The following LGR5 variants were observed in gnomAD, a reference collection of about 807,000 sequenced individuals.
LGR5 encodes leucine-rich repeat-containing G protein-coupled receptor 5.
In LGR5, 54 loss-of-function variants were observed where a neutral mutation model predicts 76.7. The observed-to-expected ratio is 0.70, with a 90% CI of 0.57 to 0.88. The LOEUF (loss-of-function observed/expected upper bound fraction) is 0.88, where lower values mean the gene tolerates loss of function less well. Among genes scored for constraint, LGR5 ranks in the 40% least tolerant of loss-of-function variants. The pLI is 0.00. For synonymous variants in LGR5, 406 were observed against 421.9 expected (o/e 0.96, Z 0.46); for missense variants, 1,078 against 1,073.3 (o/e 1.00, Z -0.06).
intron 2 of LGR5, among the ~76,000 whole-genome samples, chr12:71,513,154 C>T (rs1875250265): frequency 6.6e-6 from 1 of 151,992 alleles, no homozygotes; most frequent in Non-Finnish European, 1.5e-5. Context: ...TTGAGTACCA[C>T]TAAGCAGAGC....
At chr12:71,511,073 A>C (rs1875131685) in intron 2 of LGR5, among the ~76,000 whole-genome samples, 1 of 152,228 alleles carries the variant, frequency 6.6e-6, no homozygotes, top group Non-Finnish European at 1.5e-5. Context: ...CTAGTGAACC[A>C]ACAGGATTTA....
At chr12:71,580,560 C>T in intron 16 of LGR5, 137 bp downstream of exon 16, 1 of 833,822 alleles carries the variant, frequency 1.2e-6, no homozygotes, top group Non-Finnish European at 1.9e-6. Flanking sequence ...GTTTGGGAGG[C>T]CGAGGCAGAT....
chr12:71,564,561 C>T (rs1878215423), intron 8 of LGR5, among the ~76,000 whole-genome samples: 1 of 99,354 alleles, frequency 1.0e-5, no homozygotes, highest in Non-Finnish European at 2.0e-5. Context: ...TGTACACACG[C>T]ACCGTGTATA....
At chr12:71,444,934 T>C (rs1339723886) in intron 1 of LGR5, among the ~76,000 whole-genome samples, 1 of 152,208 alleles carries the variant, frequency 6.6e-6, no homozygotes, top group Non-Finnish European at 1.5e-5. Flanking sequence ...TTGACTTACC[T>C]TAGCAAAGCA....
At chr12:71,519,293 T>C (rs2137331382) in intron 2 of LGR5, among the ~76,000 whole-genome samples, 2 of 152,326 alleles carry the variant, frequency 1.3e-5, no homozygotes, top group East Asian at 3.9e-4. Context: ...TTTCTGACCA[T>C]CTTATCTGAA....
chr12:71,497,345 GAAGGAAGGAAGA>G (rs139956427), intron 1 of LGR5, among the ~76,000 whole-genome samples: 1 of 110,362 alleles, frequency 9.1e-6, no homozygotes, highest in South Asian at 2.8e-4. Context: ...AGAGAAAGAG[GAAGGAAGGAAGA>G]AAGGAAGGAA....
At chr12:71,498,705 A>G (rs7133186) in intron 1 of LGR5, among the ~76,000 whole-genome samples, 2,247 of 152,266 alleles carry the variant, frequency 0.015, 65 homozygotes, top group African/African-American at 0.051. Context: ...GGGAACACAA[A>G]CCTTCAGTTT....
intron 4 of LGR5, among the ~76,000 whole-genome samples, chr12:71,552,085 C>G (rs1417439046): frequency 6.7e-6 from 1 of 149,968 alleles, no homozygotes; most frequent in Non-Finnish European, 1.5e-5. Context: ...GGCCTGTCGG[C>G]AGGTGGGGGG....
intron 1 of LGR5, among the ~76,000 whole-genome samples, chr12:71,503,481 TGATTTTTTAAAG>T (rs1253934582): frequency 6.6e-6 from 1 of 152,210 alleles, no homozygotes; most frequent in Non-Finnish European, 1.5e-5. Context: ...CACATTATTG[TGATTTTTTAAAG>T]GCAAAGAGTG....
intron 2 of LGR5, among the ~76,000 whole-genome samples, chr12:71,522,088 T>C (rs1875752902): frequency 6.6e-6 from 1 of 152,138 alleles, no homozygotes; most frequent in African/African-American, 2.4e-5. Context: ...GGGGGGAATG[T>C]GGAGGGCATG....
intron 1 of LGR5, among the ~76,000 whole-genome samples, chr12:71,450,986 C>G (rs1333811838): frequency 6.6e-6 from 1 of 152,174 alleles, no homozygotes; most frequent in Non-Finnish European, 1.5e-5. Context: ...GCAACCCCTG[C>G]TGCCAATCCC....
At chr12:71,453,707 T>C (rs1030774442) in intron 1 of LGR5, among the ~76,000 whole-genome samples, 4 of 94,140 alleles carry the variant, frequency 4.2e-5, no homozygotes, top group Non-Finnish European at 8.6e-5. Context: ...AATGTGTTTC[T>C]TTTTTTTTTT....
intron 3 of LGR5, among the ~76,000 whole-genome samples, chr12:71,526,416 T>A (rs944286633): frequency 1.3e-5 from 2 of 151,270 alleles, no homozygotes; most frequent in African/African-American, 4.9e-5. Context: ...TGCTAACTAT[T>A]AAAATGTACC....
In LGR5 at chr12:71,583,932, G is replaced by GT; in HGVS notation, c.1928dup (p.Leu643PhefsTer31). On this transcript the variant is annotated frameshift_variant, in exon 18 of 18. Transcript: ENST00000266674. LOFTEE classifies it low-confidence loss of function (END_TRUNC). ...AATGGGGTTGGTTGCCATGTCATTG[G>GT]TTTTTTGTCCATTTTTGCTTCAGAA... 1 of 1,614,184 alleles carries GT rather than the reference G, an allele frequency of 6.2e-7. No homozygotes were observed. The highest frequency in any genetic ancestry group is 8.5e-7 in the Non-Finnish European group (1 of 1,180,036).
chr12:71,472,941 G>T (rs1487618860), intron 1 of LGR5, among the ~76,000 whole-genome samples: 1 of 152,184 alleles, frequency 6.6e-6, no homozygotes, highest in African/African-American at 2.4e-5. Context: ...TAAGTGGATA[G>T]TAGAATTCAC....
At chr12:71,443,405 C>T (rs1482538977) in intron 1 of LGR5, among the ~76,000 whole-genome samples, 1 of 152,108 alleles carries the variant, frequency 6.6e-6, no homozygotes, top group Non-Finnish European at 1.5e-5. Flanking sequence ...CGAGTGAAAA[C>T]GCTGGAAAAA....
rs752607669 is a variant in LGR5, at chr12:71,566,716, A to G, written c.998+16A>G. ...TGGAGAGTCTGTAAGTACTGAGTAG[A>G]CTCTTGACTTTGCCCAGAACATACA... On this transcript the variant is annotated intron_variant, in intron 10 of 17. Coordinates refer to ENST00000266674, the MANE Select transcript of LGR5 (RefSeq NM_003667.4). The G allele has an allele frequency of 6.2e-7, 1 of 1,607,170 alleles. No individual in the cohort carries two copies. Among genetic ancestry groups the G allele is most frequent in the South Asian group, 1.1e-5 (1 of 90,950 alleles).
intron 1 of LGR5, among the ~76,000 whole-genome samples, chr12:71,488,975 G>C (rs1429134407): frequency 6.6e-6 from 1 of 152,108 alleles, no homozygotes; most frequent in Non-Finnish European, 1.5e-5. Context: ...GAGGAAAAAT[G>C]ATTTTAAATA....
At chr12:71,511,618 C>T (rs1366256519) in intron 2 of LGR5, among the ~76,000 whole-genome samples, 1 of 152,176 alleles carries the variant, frequency 6.6e-6, no homozygotes, top group Non-Finnish European at 1.5e-5. Context: ...TAAACCACTT[C>T]CAGGTGATGT....
Sources: allele counts gnomAD v4.1 joint callset (sites outside exome capture counted in the v4.1 genomes callset), GRCh38; gene constraint gnomAD v4.1.1; transcripts MANE v1.5; gene names NCBI Gene and HGNC (gene_info 2026-07-23, HGNC 2026-07-21).